Variants in CDKL5 observed in about 807,000 individuals in gnomAD.
The protein encoded by CDKL5 is cyclin-dependent kinase-like 5.
In CDKL5, 8 loss-of-function variants were observed where a neutral mutation model predicts 61.7. The ratio of observed to expected loss-of-function variants is 0.13; its 90% CI spans 0.08 to 0.23. The LOEUF (loss-of-function observed/expected upper bound fraction) is 0.23, where lower values mean the gene tolerates loss of function less well. Ranked by LOEUF, CDKL5 falls within the 10% of genes least tolerant of loss-of-function variation. The probability of loss-of-function intolerance (pLI) is 1.00; values close to 1 mark genes in which losing one functional copy is unlikely to be tolerated. For synonymous variants in CDKL5, 275 were observed against 272.3 expected (o/e 1.01, Z -0.10); for missense variants, 440 against 734.5 (o/e 0.60, Z 4.63).
chrX:18,628,554 G>A lies in CDKL5; in HGVS notation c.2680G>A (p.Ala894Thr), dbSNP rs763110247. 39 of 1,210,024 alleles carry A rather than the reference G, an allele frequency of 3.2e-5. No homozygotes were observed. In the South Asian group the frequency reaches 4.4e-4, roughly 14 times the overall value. ...GGSSNIRQEP[A>T]PKGRPALQLP... is the part of the protein sequence containing the mutation. ...GAGCAGCAACATCCGGCAGGAACCCGCACCGAAGGGCAGGCCAGCCCTCCA... is the reference window on the plus strand; with the variant it reads ...GAGCAGCAACATCCGGCAGGAACCCACACCGAAGGGCAGGCCAGCCCTCCA... Residue 894 changes from alanine to threonine, a missense_variant, in exon 18 of 18, where the codon GCA becomes ACA. Around this residue, in one of 2 missense-constraint regions of CDKL5, gnomAD observed 363 missense variants for 516.3 expected, o/e 0.70. Transcript: ENST00000623535.
intron 20 of CDKL5, chrX:18,647,704 C>A (rs1927843934): frequency 9.6e-6 from 2 of 208,034 alleles, no homozygotes; most frequent in Middle Eastern, 1.7e-3. Flanking sequence ...TGCCATACAT[C>A]TTTATTTCCC....
chrX:18,512,167 ATTAGT>A (rs1353198575), intron 3 of CDKL5, among the ~76,000 whole-genome samples: 6 of 112,083 alleles, frequency 5.4e-5, no homozygotes, highest in Non-Finnish European at 7.5e-5. Flanking sequence ...TGTAACAAAC[ATTAGT>A]TTAAATATTT....
At chrX:18,650,208 C>T (rs894485201) in intron 20 of CDKL5, 32 of 476,963 alleles carry the variant, frequency 6.7e-5, no homozygotes, top group Non-Finnish European at 1.2e-4. Flanking sequence ...CCTTGACAGC[C>T]TGGGAGGGCC....
Position 18,636,228 on chromosome X carries a change from G to C in CDKL5, c.*7471G>C, listed in dbSNP as rs974525248. The stretch of plus-strand genomic sequence containing the variant: ...TAAGTGACATGGAAACTTGTGGCCT[G>C]TGCTTTCAACTATAATCTTACCAAG... On this transcript the variant is annotated 3_prime_UTR_variant, in exon 18 of 18. Coordinates refer to ENST00000623535, the MANE Select transcript of CDKL5 (RefSeq NM_001323289.2). 1 of 110,672 alleles carries C rather than the reference G, an allele frequency of 9.0e-6. No homozygotes were observed. The highest frequency in any genetic ancestry group is 3.3e-5 in the African/African-American group (1 of 30,491). 9.1% of individuals were successfully genotyped at this position (110,672 alleles called of 1,213,427 possible).
At chrX:18,456,119 A>C (rs1185013162) in intron 1 of CDKL5, among the ~76,000 whole-genome samples, 1 of 107,340 alleles carries the variant, frequency 9.3e-6, no homozygotes, top group African/African-American at 3.4e-5. Flanking sequence ...TGCTCACTGC[A>C]ATCTCCGCCT....
intron 1 of CDKL5, among the ~76,000 whole-genome samples, chrX:18,498,097 C>T (rs1416151886): frequency 3.6e-5 from 4 of 110,988 alleles, no homozygotes; most frequent in South Asian, 7.7e-4. Flanking sequence ...TCCAAAGTGC[C>T]GCCTCAGCCT....
chrX:18,597,394 C>T, intron 10 of CDKL5, among the ~76,000 whole-genome samples: 1 of 109,744 alleles, frequency 9.1e-6, no homozygotes, highest in Non-Finnish European at 1.9e-5. Context: ...AGTGGGGGTA[C>T]AGGTCACCAA....
At chrX:18,545,055 C>G (rs1182751898) in intron 3 of CDKL5, among the ~76,000 whole-genome samples, 2 of 110,584 alleles carry the variant, frequency 1.8e-5, no homozygotes, top group African/African-American at 3.3e-5. Flanking sequence ...TAGGGAGACC[C>G]TGTCTCTACA....
rs1927476128 is a variant in CDKL5 at position 18,638,948 on chromosome X, T to G, written c.*10191T>G. ...GATCATTCAATGGGGGAAAGAATAG[T>G]CTTTTCAGCAAATAGTGGTGGGACA... On this transcript the variant is annotated 3_prime_UTR_variant, in exon 18 of 18. Coordinates refer to ENST00000623535, the MANE Select transcript of CDKL5 (RefSeq NM_001323289.2). Among the ~76,000 whole-genome samples, 1 of 112,206 alleles carries G rather than the reference T, an allele frequency of 8.9e-6. No homozygotes were observed. Among genetic ancestry groups the G allele is most frequent in the African/African-American group, 3.2e-5 (1 of 30,887 alleles).
intron 21 of CDKL5, among the ~76,000 whole-genome samples, chrX:18,651,645 G>A (rs1034684367): frequency 9.0e-5 from 10 of 111,393 alleles, no homozygotes; most frequent in Non-Finnish European, 1.5e-4. Flanking sequence ...TCGCAAGCTC[G>A]TGGGGGGTTC....
chrX:18,617,820 A>G (rs1198294437), intron 15 of CDKL5, among the ~76,000 whole-genome samples: 1 of 111,327 alleles, frequency 9.0e-6, no homozygotes, highest in Non-Finnish European at 1.9e-5. Context: ...GATCTTTGAA[A>G]ATGTCCCAAT....
At chrX:18,545,049 G>C (rs1924144765) in intron 3 of CDKL5, among the ~76,000 whole-genome samples, 2 of 110,845 alleles carry the variant, frequency 1.8e-5, no homozygotes, top group Admixed American at 1.9e-4. Context: ...TCAACATAGG[G>C]AGACCCTGTC....
intron 4 of CDKL5, among the ~76,000 whole-genome samples, chrX:18,567,016 C>T (rs1247792872): frequency 9.0e-6 from 1 of 111,649 alleles, no homozygotes; most frequent in African/African-American, 3.3e-5. Flanking sequence ...AACCCAAAAA[C>T]ATAACCAATT....
At chrX:18,476,296 A>C (rs1204900723) in intron 1 of CDKL5, among the ~76,000 whole-genome samples, 1 of 110,804 alleles carries the variant, frequency 9.0e-6, no homozygotes, top group Non-Finnish European at 1.9e-5. Context: ...TTGCACTGCA[A>C]CCTTCGCCTC....
chrX:18,472,778 G>A (rs551371734), intron 1 of CDKL5, among the ~76,000 whole-genome samples: 1 of 108,794 alleles, frequency 9.2e-6, no homozygotes, highest in African/African-American at 3.3e-5. Flanking sequence ...GATAGTTTCT[G>A]ATTTTTTTTT....
rs921436071 is a variant in CDKL5 at position 18,551,650 on chromosome X, G to T, written c.100-12827G>T. On this transcript the variant is annotated intron_variant, in intron 3 of 17. Coordinates refer to ENST00000623535, the MANE Select transcript of CDKL5 (RefSeq NM_001323289.2). ...GCTCAGGCTGGAGCACAGTTGCAGC[G>T]TCTCGGCTCACTGCAGCCTCAACCT... Among the ~76,000 whole-genome samples the T allele has an allele frequency of 4.8e-5, 5 of 103,772 alleles. No homozygotes were observed. The East Asian group carries it at 1.5e-3, about 31-fold the overall frequency. 90.1% of individuals were successfully genotyped at this position (103,772 alleles called of 115,157 possible).
intron 4 of CDKL5, among the ~76,000 whole-genome samples, chrX:18,574,425 G>C (rs1461047150): frequency 1.8e-5 from 2 of 111,559 alleles, no homozygotes. Context: ...GCAGATGAGG[G>C]ATTATGAACC....
At position 18,633,956 on chromosome X, in the gene CDKL5, T is replaced by C; in HGVS notation, c.*5199T>C. ...TGCCCAAATTTAAAGGAAGTTTGTCTCATTTTGCCAGAAAAAAATTGTAAT... is the reference window on the plus strand; with the variant it reads ...TGCCCAAATTTAAAGGAAGTTTGTCCCATTTTGCCAGAAAAAAATTGTAAT... On this transcript the variant is annotated 3_prime_UTR_variant, in exon 18 of 18. Transcript: ENST00000623535. 1.3e-6 allele frequency: 1 copy of C among 754,288 alleles called. No homozygotes were observed. The highest frequency in any genetic ancestry group is 1.6e-6 in the Non-Finnish European group (1 of 639,377). The allele number at this position is 754,288 out of a possible 1,213,427, so 62.2% of individuals were successfully genotyped here. A position where few individuals can be genotyped will look rare whatever the true frequency, so the allele number is the denominator to read the frequency against.
chrX:18,484,464 T>C (rs1353072294), intron 1 of CDKL5, among the ~76,000 whole-genome samples: 4 of 107,615 alleles, frequency 3.7e-5, no homozygotes, highest in African/African-American at 1.4e-4. Context: ...ATTATAGGAG[T>C]GTACCACCAT....
Sources: gnomAD v4.1 joint callset for allele counts (sites outside exome capture counted in the v4.1 genomes callset) on GRCh38, gnomAD v4.1.1 for gene constraint, gnomAD v4.1.1 regional missense constraint, MANE v1.5 for transcripts, NCBI Gene and HGNC (gene_info 2026-07-23, HGNC 2026-07-21) for gene names.